Variants in MSI2 observed in about 807,000 individuals in gnomAD.
MSI2 encodes the protein RNA-binding protein Musashi homolog 2.
Under a neutral mutation model 45.6 loss-of-function variants are expected in MSI2, and 17 were observed. The ratio of observed to expected loss-of-function variants is 0.37; its 90% CI spans 0.26 to 0.56. The LOEUF (loss-of-function observed/expected upper bound fraction) is 0.56. MSI2 is among the 20% of genes least tolerant of loss of function. The pLI, the probability that MSI2 is intolerant of heterozygous loss-of-function variation, is 0.77. For synonymous variants in MSI2, 156 were observed against 158.2 expected, an observed-to-expected ratio of 0.99 and a Z score of 0.11; for missense variants, 293 against 444.2, an observed-to-expected ratio of 0.66 and a Z score of 3.06.
intron 11 of MSI2, among the ~76,000 whole-genome samples, chr17:57,660,405 G>GA (rs1337863796): frequency 6.6e-6 from 1 of 152,152 alleles, no homozygotes; most frequent in Admixed American, 6.5e-5. Context: ...GTTCCCAAAG[G>GA]AAAACCTGCA....
intron 7 of MSI2, among the ~76,000 whole-genome samples, chr17:57,560,145 T>C (rs1310480179): frequency 6.6e-6 from 1 of 152,252 alleles, no homozygotes; most frequent in Non-Finnish European, 1.5e-5. Flanking sequence ...TCTCTCGTAG[T>C]ACAGTAGCAA....
chr17:57,475,380 A>C (rs558092395), intron 6 of MSI2, among the ~76,000 whole-genome samples: 1 of 152,278 alleles, frequency 6.6e-6, no homozygotes, highest in South Asian at 2.1e-4. Context: ...ATGCGTGCAC[A>C]CAAGAGAGGA....
At chr17:57,398,069 T>C (rs1177401584) in intron 5 of MSI2, among the ~76,000 whole-genome samples, 2 of 152,178 alleles carry the variant, frequency 1.3e-5, no homozygotes, top group African/African-American at 4.8e-5. Flanking sequence ...CCTCTGTGTT[T>C]AGGGCTCTGG....
intron 5 of MSI2, among the ~76,000 whole-genome samples, chr17:57,270,520 A>G (rs1194063505): frequency 6.6e-6 from 1 of 152,238 alleles, no homozygotes; most frequent in African/African-American, 2.4e-5. Flanking sequence ...GGAAAGCTTC[A>G]GGTTAATTTT....
intron 6 of MSI2, among the ~76,000 whole-genome samples, chr17:57,486,622 C>G (rs759253614): frequency 4.6e-5 from 7 of 152,164 alleles, no homozygotes; most frequent in Non-Finnish European, 8.8e-5. Flanking sequence ...CACTGGTGGT[C>G]AGGCTTCTTG....
chr17:57,376,375 G>A (rs56170762), intron 5 of MSI2, among the ~76,000 whole-genome samples: 1 of 152,162 alleles, frequency 6.6e-6, no homozygotes, highest in African/African-American at 2.4e-5. Context: ...TCCCGGTCTG[G>A]ATCCAATTTA....
At chr17:57,558,734 C>T (rs2087500282) in intron 7 of MSI2, among the ~76,000 whole-genome samples, 1 of 152,204 alleles carries the variant, frequency 6.6e-6, no homozygotes, top group Non-Finnish European at 1.5e-5. Flanking sequence ...ACAGAACCTC[C>T]CAGTTTGTCT....
rs185351966 is a variant in MSI2 at position 57,409,869 on chromosome 17, G to C, written c.405+8398G>C. On this transcript the variant is annotated intron_variant, in intron 6 of 13. Transcript: ENST00000284073. ...TAAAAATACAAAAAATTAACTGAGC[G>C]TGGTGGTGGGCACCTGTAATCCCAG... 5.3e-4 allele frequency among the ~76,000 whole-genome samples: 80 copies of C among 151,968 alleles called. 1 individual carries two copies. The highest frequency in any genetic ancestry group is 1.3e-3 in the African/African-American group (53 of 41,436).
At chr17:57,331,043 A>G (rs1297299667) in intron 5 of MSI2, among the ~76,000 whole-genome samples, 3 of 151,914 alleles carry the variant, frequency 2.0e-5, no homozygotes, top group Non-Finnish European at 4.4e-5. Context: ...CCTCCCGAGT[A>G]GCTGGGATTA....
chr17:57,380,512 G>C (rs1036939690), intron 5 of MSI2, among the ~76,000 whole-genome samples: 2 of 152,186 alleles, frequency 1.3e-5, no homozygotes, highest in African/African-American at 4.8e-5. Context: ...TCCTAACAGG[G>C]AGAGTGAAGC....
chr17:57,382,802 A>G (rs1357432333), intron 5 of MSI2, among the ~76,000 whole-genome samples: 1 of 152,230 alleles, frequency 6.6e-6, no homozygotes, highest in African/African-American at 2.4e-5. Flanking sequence ...AACTAAGCCA[A>G]ATGTCTTACG....
At chr17:57,330,751 A>G (rs1482600342) in intron 5 of MSI2, among the ~76,000 whole-genome samples, 1 of 152,148 alleles carries the variant, frequency 6.6e-6, no homozygotes, top group Admixed American at 6.5e-5. Context: ...GTCTGTTTCA[A>G]GGAAGCATTG....
chr17:57,368,385 G>T (rs1020213895), intron 5 of MSI2, among the ~76,000 whole-genome samples: 1 of 151,956 alleles, frequency 6.6e-6, no homozygotes, highest in African/African-American at 2.4e-5. Context: ...GCAAAACACC[G>T]TCTCTACTAA....
chr17:57,499,375 T>TAAAA (rs55797448), intron 6 of MSI2, among the ~76,000 whole-genome samples: 1,629 of 125,756 alleles, frequency 0.013, 39 homozygotes, highest in African/African-American at 0.047. Context: ...GATTCTGTCT[T>TAAAA]AAAAAAAAAA....
chr17:57,609,337 C>T (rs1161829942), intron 8 of MSI2, among the ~76,000 whole-genome samples: 1 of 152,212 alleles, frequency 6.6e-6, no homozygotes, highest in Non-Finnish European at 1.5e-5. Flanking sequence ...CCTTTCCTCC[C>T]TCTGCTCCCC....
chr17:57,667,861 G>A (rs775329735), intron 11 of MSI2, among the ~76,000 whole-genome samples: 3 of 152,168 alleles, frequency 2.0e-5, no homozygotes, highest in Non-Finnish European at 2.9e-5. Flanking sequence ...TGGCCTTGGG[G>A]CTTGAGATAC....
the MSI2 span, among the ~76,000 whole-genome samples, chr17:57,693,109 C>T: frequency 3.3e-5 from 5 of 152,022 alleles, no homozygotes; most frequent in African/African-American, 4.8e-5. Flanking sequence ...TTCTTCCACA[C>T]CTCTTGGGTA....
At chr17:57,458,476 C>T (rs1045115060) in intron 6 of MSI2, among the ~76,000 whole-genome samples, 6 of 152,124 alleles carry the variant, frequency 3.9e-5, no homozygotes, top group Non-Finnish European at 8.8e-5. Context: ...CACAGTGTTA[C>T]CATGCTTTAG....
At chr17:57,289,498 T>G (rs1910223751) in intron 5 of MSI2, among the ~76,000 whole-genome samples, 1 of 143,556 alleles carries the variant, frequency 7.0e-6, no homozygotes, top group Non-Finnish European at 1.5e-5. Flanking sequence ...AAAAAAAAAG[T>G]TTTGCTTGCC....
Sources: allele counts gnomAD v4.1 joint callset (sites outside exome capture counted in the v4.1 genomes callset), GRCh38; gene constraint gnomAD v4.1.1; transcripts MANE v1.5; gene names NCBI Gene and HGNC (gene_info 2026-07-23, HGNC 2026-07-21).